The following ADAM19 variants were observed in gnomAD, a reference collection of about 807,000 sequenced individuals.
ADAM19 encodes ADAM metallopeptidase domain 19.
In ADAM19, 65 loss-of-function variants were observed where a neutral mutation model predicts 114.7. The ratio of observed to expected loss-of-function variants is 0.57; its 90% confidence interval spans 0.46 to 0.70. ADAM19 has a LOEUF of 0.70. ADAM19 is among the 30% of genes least tolerant of loss of function. The pLI, the probability that ADAM19 is intolerant of heterozygous loss-of-function variation, is 0.00. For synonymous variants in ADAM19, 466 were observed against 460.5 expected (o/e 1.01, Z -0.15); for missense variants, 1,063 against 1,204.7 (o/e 0.88, Z 1.74).
intron 1 of ADAM19, 97 bp downstream of exon 1, chr5:157,575,480 GGGCGCAGGCCCCGCGGAGTTGCGGGA>G: frequency 1.5e-6 from 1 of 656,628 alleles, no homozygotes; most frequent in Non-Finnish European, 2.3e-6. Context: ...GGGACGGCGG[GGGCGCAGGCCCCGCGGAGTTGCGGGA>G]GGCGCAGGGG....
At chr5:157,509,238 G>A in intron 9 of ADAM19, 63 bp downstream of exon 9, 2 of 1,502,132 alleles carry the variant, frequency 1.3e-6, no homozygotes, top group Non-Finnish European at 1.8e-6. Context: ...CTCTGAGCAT[G>A]TGCTGGGTGG....
rs750757281 is a variant in ADAM19 at position 157,493,100 on chromosome 5, G to T, written c.1781C>A (p.Thr594Asn). Residue 594 changes from threonine (T) to asparagine (N), a missense_variant, in exon 16 of 23, where the codon ACC (threonine) becomes AAC (asparagine). Physicochemically the swap from Thr to Asn is moderately conservative, Grantham distance 65 (BLOSUM62 0). Transcript: ENST00000257527. ...CTGCCTCCCATTCATGATGATAGTGGTGTCAATGGGCACCGCGTTGGACTC... is the reference window on the plus strand; with the variant it reads ...CTGCCTCCCATTCATGATGATAGTGTTGTCAATGGGCACCGCGTTGGACTC... Reference protein sequence around the residue: ...PLESNAVPIDTTIIMNGRQIQ... With the variant: ...PLESNAVPIDNTIIMNGRQIQ... 1.9e-6 allele frequency: 3 copies of T among 1,614,224 alleles called. No homozygotes were observed. Among genetic ancestry groups the T allele is most frequent in the Non-Finnish European group, 1.7e-6 (2 of 1,180,048 alleles).
At chr5:157,496,134 C>T (rs1755358013) in intron 14 of ADAM19, among the ~76,000 whole-genome samples, 1 of 151,984 alleles carries the variant, frequency 6.6e-6, no homozygotes. Flanking sequence ...AGGTGCAAGC[C>T]ACCAAATCTG....
At chr5:157,549,948 C>T (rs924817744) in intron 3 of ADAM19, among the ~76,000 whole-genome samples, 3 of 152,132 alleles carry the variant, frequency 2.0e-5, no homozygotes, top group Non-Finnish European at 2.9e-5. Context: ...TACTACAACA[C>T]GAATAAACCT....
rs1247350844 is a variant in ADAM19, at chr5:157,494,802, G to A, written c.1595-7C>T. On this transcript the variant is annotated splice_region_variant and splice_polypyrimidine_tract_variant and intron_variant, in intron 14 of 22. Coordinates refer to ENST00000257527, the MANE Select transcript of ADAM19 (RefSeq NM_033274.5). ...TCAGGGGCAGGTCGGGCTCCTGGGT[G>A]GGCAAGCAACATCTATCAGTATACT... 5 of 1,612,170 alleles carry A rather than the reference G, an allele frequency of 3.1e-6. No homozygotes were observed. Among genetic ancestry groups the A allele is most frequent in the South Asian group, 2.2e-5 (2 of 91,008 alleles).
intron 13 of ADAM19, among the ~76,000 whole-genome samples, chr5:157,498,704 A>ATATATAT: frequency 6.7e-6 from 1 of 149,840 alleles, no homozygotes; most frequent in East Asian, 2.0e-4. Context: ...ATATATATAT[A>ATATATAT]TATATATGGA....
chr5:157,567,720 C>T (rs562527293), intron 2 of ADAM19, among the ~76,000 whole-genome samples: 20 of 152,138 alleles, frequency 1.3e-4, no homozygotes, highest in African/African-American at 4.6e-4. Flanking sequence ...TCGCTTGAAC[C>T]CAGGAGGCAG....
chr5:157,543,230 C>T (rs1756964994), intron 3 of ADAM19, among the ~76,000 whole-genome samples: 1 of 152,122 alleles, frequency 6.6e-6, no homozygotes, highest in Non-Finnish European at 1.5e-5. Flanking sequence ...AATAAAACTT[C>T]GAGAAGTGCT....
intron 8 of ADAM19, among the ~76,000 whole-genome samples, chr5:157,512,177 C>T (rs565972908): frequency 6.6e-6 from 1 of 152,278 alleles, no homozygotes; most frequent in Admixed American, 6.5e-5. Flanking sequence ...AGAGTCTGTC[C>T]TTCCAGGAAA....
At chr5:157,538,168 T>C (rs1436780800) in intron 3 of ADAM19, among the ~76,000 whole-genome samples, 177 bp from the exon 4 acceptor site, 1 of 152,184 alleles carries the variant, frequency 6.6e-6, no homozygotes, top group Admixed American at 6.5e-5. Context: ...TTGTTATTAA[T>C]TTTATATTTA....
intron 4 of ADAM19, among the ~76,000 whole-genome samples, chr5:157,536,844 T>C (rs1756781819): frequency 6.6e-6 from 1 of 152,228 alleles, no homozygotes; most frequent in Non-Finnish European, 1.5e-5. Context: ...GGACCTCTCC[T>C]GCTGTTCTCC....
chr5:157,549,254 G>A (rs1222272135), intron 3 of ADAM19, among the ~76,000 whole-genome samples: 1 of 152,134 alleles, frequency 6.6e-6, no homozygotes, highest in Non-Finnish European at 1.5e-5. Flanking sequence ...GCAACTCAAA[G>A]TCAAAAATGG....
At position 157,478,165 on chromosome 5, in the gene ADAM19, C is replaced by T. The variant is rs922611504; in HGVS notation, c.*2784G>A. On this transcript the variant is annotated 3_prime_UTR_variant, in exon 23 of 23. Coordinates refer to ENST00000257527, the MANE Select transcript of ADAM19 (RefSeq NM_033274.5). ...CTTTTAAAAAGATTTACCTACATCC[C>T]CATCTGCACAAAGAGCTTGCTAACT... 6.4e-6 allele frequency: 1 copy of T among 156,158 alleles called. No individual in the cohort carries two copies. The highest frequency in any genetic ancestry group is 6.3e-5 in the Admixed American group (1 of 15,982). The allele number at this position is 156,158 out of a possible 1,614,324, so 9.7% of individuals were successfully genotyped here. A position where few individuals can be genotyped will look rare whatever the true frequency, so the allele number is the denominator to read the frequency against.
At chr5:157,494,157 T>G (rs945421666) in intron 15 of ADAM19, among the ~76,000 whole-genome samples, 2 of 142,502 alleles carry the variant, frequency 1.4e-5, no homozygotes, top group Non-Finnish European at 3.1e-5. Flanking sequence ...GATGGATAGA[T>G]GGACGGACAG....
chr5:157,505,933 ACTCTCCATATGTGC>A, intron 10 of ADAM19, 125 bp from the exon 11 acceptor site: 1 of 1,099,468 alleles, frequency 9.1e-7, no homozygotes, highest in East Asian at 2.7e-5. Context: ...GAGCATACAG[ACTCTCCATATGTGC>A]CTCTGACAGC....
intron 3 of ADAM19, among the ~76,000 whole-genome samples, chr5:157,554,569 G>T (rs760300757): frequency 6.6e-6 from 1 of 152,210 alleles, no homozygotes; most frequent in African/African-American, 2.4e-5. Flanking sequence ...ACTGGGCATC[G>T]CTGGAGAGCA....
chr5:157,560,037 G>C (rs1484679854), intron 3 of ADAM19, among the ~76,000 whole-genome samples: 1 of 151,688 alleles, frequency 6.6e-6, no homozygotes, highest in Non-Finnish European at 1.5e-5. Flanking sequence ...AGGCCGAGGC[G>C]GGCGGATCAC....
At chr5:157,499,753 C>T in intron 12 of ADAM19, 91 bp from the exon 13 acceptor site, 1 of 798,002 alleles carries the variant, frequency 1.3e-6, no homozygotes, top group Non-Finnish European at 2.0e-6. Flanking sequence ...CCTGGAACCC[C>T]AGCTCTCTAG....
At chr5:157,483,601 G>A (rs1754831878) in intron 21 of ADAM19, among the ~76,000 whole-genome samples, 1 of 151,574 alleles carries the variant, frequency 6.6e-6, no homozygotes, top group South Asian at 2.1e-4. Context: ...GGGATGGGGT[G>A]CAAAAGGGGA....
Sources: gnomAD v4.1 joint callset for allele counts (sites outside exome capture counted in the v4.1 genomes callset) on GRCh38, gnomAD v4.1.1 for gene constraint, MANE v1.5 for transcripts, NCBI Gene and HGNC (gene_info 2026-07-23, HGNC 2026-07-21) for gene names.